The following TMEM120B variants were observed in gnomAD, a reference collection of about 807,000 sequenced individuals.
The protein encoded by TMEM120B is transmembrane protein 120B.
Under a neutral mutation model 55.5 loss-of-function variants are expected in TMEM120B, and 31 were observed. The observed-to-expected ratio is 0.56, with a 90% CI of 0.42 to 0.75. The LOEUF (loss-of-function observed/expected upper bound fraction) is 0.75, where lower values mean the gene tolerates loss of function less well. Ranked by LOEUF, TMEM120B falls within the 30% of genes least tolerant of loss-of-function variation. The pLI is 0.00. For missense variants in TMEM120B, 399 were observed against 425.5 expected, an observed-to-expected ratio of 0.94 and a Z score of 0.55; for synonymous variants, 203 against 176.3, an observed-to-expected ratio of 1.15 and a Z score of -1.20.
chr12:121,755,858 A>T (rs7962125), intron 5 of TMEM120B, among the ~76,000 whole-genome samples: 12,994 of 152,040 alleles, frequency 0.085, 995 homozygotes, highest in African/African-American at 0.2. Flanking sequence ...TTGAGGACTG[A>T]CCCCAGAGGG....
intron 1 of TMEM120B, among the ~76,000 whole-genome samples, chr12:121,741,551 A>T (rs555132467): frequency 6.6e-6 from 1 of 152,194 alleles, no homozygotes; most frequent in South Asian, 2.1e-4. Flanking sequence ...CTGGTTTCAA[A>T]CTTCTGACTT....
chr12:121,757,144 G>A (rs547538003), intron 5 of TMEM120B, among the ~76,000 whole-genome samples: 2 of 151,056 alleles, frequency 1.3e-5, no homozygotes, highest in African/African-American at 4.9e-5. Context: ...GGGCGGTGGG[G>A]GGGGGGGGTG....
intron 5 of TMEM120B, among the ~76,000 whole-genome samples, chr12:121,760,095 C>T (rs1228269589): frequency 1.4e-5 from 2 of 147,066 alleles, no homozygotes; most frequent in African/African-American, 5.1e-5. Context: ...CACGCCACCG[C>T]ACTCCAGCCT....
At chr12:121,768,921 G>A (rs1873934347) in intron 6 of TMEM120B, among the ~76,000 whole-genome samples, 1 of 152,106 alleles carries the variant, frequency 6.6e-6, no homozygotes. Context: ...CGAGGCAGGT[G>A]GATCCCCTGA....
At chr12:121,730,521 C>T (rs1482620906) in intron 1 of TMEM120B, among the ~76,000 whole-genome samples, 2 of 151,250 alleles carry the variant, frequency 1.3e-5, no homozygotes, top group African/African-American at 4.9e-5. Flanking sequence ...CATGATACTG[C>T]ATGCCTGTAG....
chr12:121,748,577 G>T, intron 3 of TMEM120B, 135 bp downstream of exon 3: 1 of 606,104 alleles, frequency 1.6e-6, no homozygotes, highest in South Asian at 2.2e-5. Flanking sequence ...GGAGAGATAA[G>T]GAGCCTTCCT....
chr12:121,771,034 T>C, intron 7 of TMEM120B, 62 bp downstream of exon 7: 1 of 1,561,876 alleles, frequency 6.4e-7, no homozygotes, highest in East Asian at 2.3e-5. Flanking sequence ...GGCCCGGGAA[T>C]GGGGAGGGGG....
At chr12:121,731,524 A>G (rs1403218847) in intron 1 of TMEM120B, among the ~76,000 whole-genome samples, 1 of 152,176 alleles carries the variant, frequency 6.6e-6, no homozygotes, top group African/African-American at 2.4e-5. Context: ...AGATACATTT[A>G]GATACATGAA....
rs750061573 is a variant in TMEM120B, at chr12:121,775,895, C to T, written c.*173C>T. 91 of 686,352 alleles carry T rather than the reference C, an allele frequency of 1.3e-4. No homozygotes were observed. Among genetic ancestry groups the T allele is most frequent in the Non-Finnish European group, 1.8e-4 (73 of 395,044 alleles). The allele number at this position is 686,352 out of a possible 1,614,324, so 42.5% of individuals were successfully genotyped here. A position where few individuals can be genotyped will look rare whatever the true frequency, so the allele number is the denominator to read the frequency against. ...GAGCCCCGCCTGTCCGCACAGTGTC[C>T]GCCCACCTATTTATGACATATTTAA... is the stretch of plus-strand genomic sequence containing the variant. On this transcript the variant is annotated 3_prime_UTR_variant, in exon 12 of 12. Transcript: ENST00000449592. This position sits in a 1 kb window ranked among gnomAD's most constrained non-coding sequence, Gnocchi z 4.3.
intron 5 of TMEM120B, chr12:121,758,874 G>A (rs1251911739): frequency 1.0e-6 from 1 of 970,682 alleles, no homozygotes; most frequent in Admixed American, 6.9e-5. Context: ...GCCCAGCCCC[G>A]TGCTGTGGTC....
At chr12:121,735,984 A>G (rs1394161306) in intron 1 of TMEM120B, among the ~76,000 whole-genome samples, 1 of 151,704 alleles carries the variant, frequency 6.6e-6, no homozygotes, top group African/African-American at 2.4e-5. Context: ...TGGCCATATT[A>G]CCAGATTTTA....
chr12:121,752,982 C>A (rs374241771), intron 5 of TMEM120B, among the ~76,000 whole-genome samples: 45 of 152,088 alleles, frequency 3.0e-4, no homozygotes, highest in African/African-American at 1.1e-3. Flanking sequence ...GTGGCTCACA[C>A]CTGTAATCTC....
At position 121,763,608 on chromosome 12, in the gene TMEM120B, A is replaced by G. The variant is rs375165843; in HGVS notation, c.551+1870A>G. On this transcript the variant is annotated intron_variant, in intron 6 of 11. Coordinates refer to ENST00000449592, the MANE Select transcript of TMEM120B (RefSeq NM_001080825.2). ...CAGGTGCGTGCCACCACGCCCAGCT[A>G]ATTTTTGTATTTTTAGTAGAGACTG... Among the ~76,000 whole-genome samples the G allele has an allele frequency of 1.4e-3, 211 of 152,026 alleles. 3 individuals are homozygous for G. Among genetic ancestry groups the G allele is most frequent in the African/African-American group, 4.8e-3 (200 of 41,436 alleles).
At chr12:121,757,384 G>A (rs7316909) in intron 5 of TMEM120B, among the ~76,000 whole-genome samples, 87,839 of 151,506 alleles carry the variant, frequency 0.58, 27,868 homozygotes, top group Middle Eastern at 0.73. Flanking sequence ...CTCTGTCTCC[G>A]AGGCTGGAGT....
chr12:121,730,349 T>G (rs1894976072), intron 1 of TMEM120B, among the ~76,000 whole-genome samples: 1 of 149,858 alleles, frequency 6.7e-6, no homozygotes, highest in Non-Finnish European at 1.5e-5. Flanking sequence ...AGCCAGTCAT[T>G]AAAGGACACA....
intron 6 of TMEM120B, among the ~76,000 whole-genome samples, chr12:121,768,820 G>A (rs1873929668): frequency 1.3e-5 from 2 of 152,080 alleles, no homozygotes; most frequent in African/African-American, 4.8e-5. Context: ...GGTGGGGGGT[G>A]ACAACCAGGC....
At position 121,712,793 on chromosome 12, in the gene TMEM120B, C is replaced by G. The variant is rs1022982232; in HGVS notation, c.-103C>G. On this transcript the variant is annotated 5_prime_UTR_variant, in exon 1 of 12. Transcript: ENST00000449592. ...CTGGCTGCGCAGGAACAGCTGGTGC[C>G]TCCGAGGGCGGTCGGCGAGCGCGCG... 2.3e-5 allele frequency: 19 copies of G among 823,610 alleles called. No homozygotes were observed. In the East Asian group the frequency reaches 2.3e-4, roughly 10 times the overall value. The allele number at this position is 823,610 out of a possible 1,614,324, so 51.0% of individuals were successfully genotyped here.
chr12:121,780,002 T>C lies in TMEM120B; in HGVS notation c.*4280T>C, dbSNP rs1477179658. On this transcript the variant is annotated 3_prime_UTR_variant, in exon 12 of 12. Transcript: ENST00000449592. ...TGGAGGCCTCAAGACAGAAAGGACT[T>C]CCAGCCACCTCTCTCCCTTCTCTGA... is the stretch of plus-strand genomic sequence containing the variant. 4.1e-6 allele frequency: 1 copy of C among 243,446 alleles called. No homozygotes were observed. Among genetic ancestry groups the C allele is most frequent in the Non-Finnish European group, 8.1e-6 (1 of 124,130 alleles). The allele number at this position is 243,446 out of a possible 1,614,324, so 15.1% of individuals were successfully genotyped here. A position where few individuals can be genotyped will look rare whatever the true frequency, so the allele number is the denominator to read the frequency against.
intron 5 of TMEM120B, 56 bp from the exon 6 acceptor site, chr12:121,761,593 T>C: frequency 1.5e-6 from 2 of 1,345,358 alleles, no homozygotes; most frequent in Non-Finnish European, 2.1e-6. Context: ...GAGGGTGGGA[T>C]GGCTGTGCCT....
Sources: allele counts gnomAD v4.1 joint callset (sites outside exome capture counted in the v4.1 genomes callset), GRCh38; gene constraint gnomAD v4.1.1; non-coding constraint Gnocchi (gnomAD v3.1); transcripts MANE v1.5; gene names NCBI Gene and HGNC (gene_info 2026-07-23, HGNC 2026-07-21).